CEPT1: variants seen among roughly 807,000 people sequenced by gnomAD.
The protein encoded by CEPT1 is choline/ethanolamine phosphotransferase 1, also known as choline/ethanolaminephosphotransferase 1.
In CEPT1, 7 loss-of-function variants were observed where a neutral mutation model predicts 42.6. The observed-to-expected ratio is 0.16, with a 90% CI of 0.09 to 0.31. CEPT1 has a LOEUF of 0.31. Ranked by LOEUF, CEPT1 falls within the 10% of genes least tolerant of loss-of-function variation. The probability of loss-of-function intolerance (pLI) is 1.00; values close to 1 mark genes in which losing one functional copy is unlikely to be tolerated. For missense variants in CEPT1, 306 were observed against 502.1 expected (o/e 0.61, Z 3.73); for synonymous variants, 171 against 171.9 (o/e 0.99, Z 0.04).
intron 5 of CEPT1, chr1:111,179,446 C>T (rs1656862126): frequency 6.6e-6 from 1 of 152,162 alleles, no homozygotes; most frequent in South Asian, 2.1e-4. Flanking sequence ...AGTGGATGCA[C>T]TTTGGCCACC....
At chr1:111,142,054 A>AT (rs913919043) in intron 1 of CEPT1, among the ~76,000 whole-genome samples, 70 of 147,456 alleles carry the variant, frequency 4.7e-4, no homozygotes, top group South Asian at 1.1e-3. Context: ...GGAGTTAGAG[A>AT]TTTTTTTTTT....
intron 1 of CEPT1, among the ~76,000 whole-genome samples, chr1:111,142,296 C>T (rs191466480): frequency 6.6e-6 from 1 of 152,008 alleles, no homozygotes; most frequent in South Asian, 2.1e-4. Context: ...ATGTGTTTTC[C>T]TAGTTCTCCT....
chr1:111,147,952 C>T lies in CEPT1; in HGVS notation c.238C>T (p.Pro80Ser), dbSNP rs1216018902. Residue 80 changes from proline (P) to serine (S), a missense_variant, in exon 2 of 9, where the codon CCC (proline) becomes TCC (serine). Physicochemically the swap from Pro to Ser is moderately conservative, Grantham distance 74 (BLOSUM62 -1). Transcript: ENST00000357172. Reference sequence around the variant, plus strand: ...TTGGGAATGGCTCGTTAGAAGAGTTCCCTCCTGGATTGCCCCAAATCTCAT... The same window carrying T: ...TTGGGAATGGCTCGTTAGAAGAGTTTCCTCCTGGATTGCCCCAAATCTCAT... ...GYWEWLVRRVPSWIAPNLITI... is the reference protein window; with the variant it reads ...GYWEWLVRRVSSWIAPNLITI... The T allele has an allele frequency of 6.2e-7, 1 of 1,613,990 alleles. No homozygotes were observed. The highest frequency in any genetic ancestry group is 1.3e-5 in the African/African-American group (1 of 74,918).
chr1:111,157,337 G>GAGGT (rs1027936162), intron 2 of CEPT1, among the ~76,000 whole-genome samples: 1 of 152,180 alleles, frequency 6.6e-6, no homozygotes, highest in Non-Finnish European at 1.5e-5. Context: ...CCCTAAAGCA[G>GAGGT]AGGTATTCAG....
At chr1:111,139,826 GCCCCAACCAGCCC>G (rs979548700), upstream of CEPT1, 9 of 121,838 alleles carry the variant, frequency 7.4e-5, no homozygotes, top group African/African-American at 2.8e-4. Context: ...CGCAGCTCCC[GCCCCAACCAGCCC>G]CCCTCTGGCG....
At chr1:111,152,073 AC>A (rs1655307519) in intron 2 of CEPT1, among the ~76,000 whole-genome samples, 1 of 152,176 alleles carries the variant, frequency 6.6e-6, no homozygotes, top group Non-Finnish European at 1.5e-5. Context: ...CCTGTATTAT[AC>A]CCATGAAAAC....
chr1:111,151,991 C>T (rs1038734221), intron 2 of CEPT1, among the ~76,000 whole-genome samples: 3 of 152,052 alleles, frequency 2.0e-5, no homozygotes, highest in East Asian at 1.9e-4. Flanking sequence ...CCCTTAGATA[C>T]GAATTTGGGC....
rs1303866474 is a variant in CEPT1 at position 111,162,304 on chromosome 1, AATGATGAAGC to A, written c.629+1012_629+1021del. 3.9e-5 allele frequency among the ~76,000 whole-genome samples: 6 copies of A among 152,356 alleles called. No homozygotes were observed. The East Asian group carries it at 1.2e-3, about 29-fold the overall frequency. On this transcript the variant is annotated intron_variant, in intron 4 of 8. Transcript: ENST00000357172. Reference sequence around the variant, plus strand: ...AGGAAGCATCAGCATAATTAATGTGAATGATGAAGCATGCACTAACACAATGGCAGTGCTA... The same window carrying A: ...AGGAAGCATCAGCATAATTAATGTGAATGCACTAACACAATGGCAGTGCTA...
intron 5 of CEPT1, among the ~76,000 whole-genome samples, chr1:111,175,884 G>A (rs988571157): frequency 1.3e-5 from 2 of 152,022 alleles, no homozygotes; most frequent in East Asian, 3.8e-4. Context: ...CATTCATTTG[G>A]TGAAATCTTA....
intron 4 of CEPT1, among the ~76,000 whole-genome samples, chr1:111,163,354 G>T (rs1471703307): frequency 6.6e-6 from 1 of 152,158 alleles, no homozygotes; most frequent in Non-Finnish European, 1.5e-5. Context: ...CTATGGCCAG[G>T]CACAGTGGCT....
chr1:111,182,570 TTGTAAAAA>T (rs894440491), intron 6 of CEPT1: 192 of 572,276 alleles, frequency 3.4e-4, no homozygotes, highest in African/African-American at 3.3e-3. Flanking sequence ...ATGAGCTGCT[TTGTAAAAA>T]TAAGCCTGGT....
At chr1:111,181,471 GTAAA>G (rs1181114784) in intron 5 of CEPT1, 1 of 151,946 alleles carries the variant, frequency 6.6e-6, no homozygotes, top group Non-Finnish European at 1.5e-5. Context: ...CATACTTCAG[GTAAA>G]TAAACACATT....
Position 111,176,568 on chromosome 1 carries a change from A to T in CEPT1, c.714+1605A>T, listed in dbSNP as rs1189781501. Among the ~76,000 whole-genome samples, 3 of 152,178 alleles carry T rather than the reference A, an allele frequency of 2.0e-5. No individual in the cohort carries two copies. The East Asian group carries it at 5.8e-4, about 29-fold the overall frequency. The stretch of plus-strand genomic sequence containing the variant: ...TGGAAAACAAGTCAGTGTTTGGTTT[A>T]TACAGGTTAAGTATCCCTTGTCTGT... On this transcript the variant is annotated intron_variant, in intron 5 of 8. Coordinates refer to ENST00000357172, the MANE Select transcript of CEPT1 (RefSeq NM_006090.5).
At chr1:111,154,033 T>C (rs548146238) in intron 2 of CEPT1, among the ~76,000 whole-genome samples, 1 of 152,198 alleles carries the variant, frequency 6.6e-6, no homozygotes, top group East Asian at 1.9e-4. Context: ...AATCTGTAGA[T>C]TGCTTTGGGT....
chr1:111,182,056 CTT>C (rs1204506519), intron 5 of CEPT1, 129 bp from the exon 6 acceptor site: 3 of 596,570 alleles, frequency 5.0e-6, no homozygotes, highest in Admixed American at 3.7e-5. Flanking sequence ...GAAAAGGACA[CTT>C]TCATTACTTT....
In CEPT1 at chr1:111,184,885, G is replaced by A. The variant is rs1161064205; in HGVS notation, c.*575G>A. ...TTTTTTTTTTAATTGCTCAAGAAAT[G>A]ATTCTCTCACAGGCTTGGGAAATCC... On this transcript the variant is annotated 3_prime_UTR_variant, in exon 9 of 9. Coordinates refer to ENST00000357172, the MANE Select transcript of CEPT1 (RefSeq NM_006090.5). 7.7e-6 allele frequency: 1 copy of A among 130,406 alleles called. No individual in the cohort carries two copies. Among genetic ancestry groups the A allele is most frequent in the Admixed American group, 8.2e-5 (1 of 12,228 alleles). 8.1% of individuals were successfully genotyped at this position (130,406 alleles called of 1,614,324 possible). A position where few individuals can be genotyped will look rare whatever the true frequency, so the allele number is the denominator to read the frequency against.
At chr1:111,159,206 C>T (rs1398790709) in intron 2 of CEPT1, among the ~76,000 whole-genome samples, 174 bp from the exon 3 acceptor site, 2 of 150,062 alleles carry the variant, frequency 1.3e-5, no homozygotes, top group African/African-American at 2.5e-5. Flanking sequence ...TGAGCCACCG[C>T]GCCCGGCATT....
At chr1:111,155,236 C>T (rs1314460409) in intron 2 of CEPT1, among the ~76,000 whole-genome samples, 1 of 152,046 alleles carries the variant, frequency 6.6e-6, no homozygotes, top group African/African-American at 2.4e-5. Context: ...AGTGTATCTA[C>T]TTCGTCTAGG....
intron 2 of CEPT1, among the ~76,000 whole-genome samples, chr1:111,151,503 C>T (rs1557924613): frequency 6.6e-6 from 1 of 152,076 alleles, no homozygotes; most frequent in Non-Finnish European, 1.5e-5. Flanking sequence ...TCCAGAAAGG[C>T]GGGACAACTC....
Sources: gnomAD v4.1 joint callset for allele counts (sites outside exome capture counted in the v4.1 genomes callset) on GRCh38, gnomAD v4.1.1 for gene constraint, MANE v1.5 for transcripts, NCBI Gene and HGNC (gene_info 2026-07-23, HGNC 2026-07-21) for gene names.